Variants in LAMA2 observed in about 807,000 individuals in gnomAD.
The protein encoded by LAMA2 is laminin subunit alpha-2.
Under a neutral mutation model 364.8 loss-of-function variants are expected in LAMA2, and 269 were observed. That is an observed-to-expected ratio of 0.74 (90% confidence interval 0.67 to 0.82). The LOEUF (loss-of-function observed/expected upper bound fraction) is 0.82, where lower values mean the gene tolerates loss of function less well. Ranked by LOEUF, LAMA2 falls within the 40% of genes least tolerant of loss-of-function variation. The probability of loss-of-function intolerance (pLI) is 0.00; values close to 1 mark genes in which losing one functional copy is unlikely to be tolerated. For missense variants in LAMA2, 3,807 were observed against 3,873.2 expected (o/e 0.98, Z 0.45); for synonymous variants, 1,379 against 1,370.6 (o/e 1.01, Z -0.14).
intron 4 of LAMA2, among the ~76,000 whole-genome samples, chr6:129,143,322 T>TAA (rs71793304): frequency 6.8e-6 from 1 of 146,948 alleles, no homozygotes; most frequent in Non-Finnish European, 1.5e-5. Context: ...TATTAATTAC[T>TAA]AAAAAAAAAA....
intron 1 of LAMA2, among the ~76,000 whole-genome samples, chr6:129,038,646 A>C (rs530844803): frequency 9.2e-5 from 14 of 152,188 alleles, no homozygotes; most frequent in African/African-American, 3.4e-4. Flanking sequence ...GATTTTCCTT[A>C]TCTCTCTAGT....
intron 1 of LAMA2, among the ~76,000 whole-genome samples, chr6:128,950,842 A>G (rs1322305323): frequency 1.3e-5 from 2 of 152,160 alleles, no homozygotes; most frequent in African/African-American, 2.4e-5. Flanking sequence ...TTATATATTC[A>G]TGTATACATA....
At chr6:129,061,142 T>C (rs971368463) in intron 3 of LAMA2, among the ~76,000 whole-genome samples, 8 of 152,156 alleles carry the variant, frequency 5.3e-5, no homozygotes, top group Non-Finnish European at 1.0e-4. Flanking sequence ...AGCCTCAAAA[T>C]GGACTGCATA....
chr6:129,059,999 C>T (rs955771901), intron 3 of LAMA2, 103 bp downstream of exon 3: 2 of 722,698 alleles, frequency 2.8e-6, no homozygotes, highest in East Asian at 5.4e-5. Context: ...TCTTTCTTAT[C>T]ACTCTCCATT....
intron 1 of LAMA2, among the ~76,000 whole-genome samples, chr6:128,908,303 C>G (rs1777639119): frequency 6.6e-6 from 1 of 152,124 alleles, no homozygotes; most frequent in Admixed American, 6.5e-5. Flanking sequence ...ATTATTGTCA[C>G]AATTTCAGAT....
At chr6:129,384,817 C>T (rs1345307987) in intron 35 of LAMA2, among the ~76,000 whole-genome samples, 4 of 151,940 alleles carry the variant, frequency 2.6e-5, no homozygotes, top group Non-Finnish European at 5.9e-5. Flanking sequence ...CTGATTGTGT[C>T]TGTCCAGATA....
chr6:129,052,611 C>T (rs1423846122), intron 2 of LAMA2, among the ~76,000 whole-genome samples: 1 of 152,108 alleles, frequency 6.6e-6, no homozygotes, highest in Non-Finnish European at 1.5e-5. Context: ...TTGTTACAGT[C>T]CATGAACCTA....
intron 37 of LAMA2, among the ~76,000 whole-genome samples, chr6:129,397,826 A>G (rs1334422964): frequency 9.9e-5 from 15 of 151,196 alleles, no homozygotes; most frequent in Admixed American, 9.9e-4. Flanking sequence ...TGCAGTCCCT[A>G]CTCGGGAGGC....
intron 37 of LAMA2, 132 bp from the exon 38 acceptor site, chr6:129,401,087 TTCTCA>T: frequency 1.3e-6 from 1 of 745,322 alleles, no homozygotes; most frequent in South Asian, 1.4e-5. Flanking sequence ...GTTTATATTT[TTCTCA>T]TCTAGCCACA....
In LAMA2 at chr6:129,497,747, G is replaced by GTA. The variant is rs1195110520; in HGVS notation, c.8245-4912_8245-4911insTA. Among the ~76,000 whole-genome samples, 12 of 152,232 alleles carry GTA rather than the reference G, an allele frequency of 7.9e-5. No homozygotes were observed. In the East Asian group the frequency reaches 2.1e-3, roughly 27 times the overall value. ...TGAGGACAACATTCACTATACTACA[G>GTA]GGCAATGTAAGGGTGTCTTGAGAAA... On this transcript the variant is annotated intron_variant, in intron 58 of 64. Transcript: ENST00000421865.
At chr6:128,913,353 A>C (rs1778106434) in intron 1 of LAMA2, among the ~76,000 whole-genome samples, 1 of 152,150 alleles carries the variant, frequency 6.6e-6, no homozygotes, top group Admixed American at 6.5e-5. Context: ...CATTATAATT[A>C]TTTATTCGAC....
At chr6:129,121,366 A>G (rs1377103044) in intron 4 of LAMA2, among the ~76,000 whole-genome samples, 1 of 152,176 alleles carries the variant, frequency 6.6e-6, no homozygotes, top group Non-Finnish European at 1.5e-5. Context: ...TTTATTACAG[A>G]CAGACTCTCT....
intron 12 of LAMA2, among the ~76,000 whole-genome samples, chr6:129,228,780 A>G (rs1162848151): frequency 6.6e-6 from 1 of 152,216 alleles, no homozygotes; most frequent in African/African-American, 2.4e-5. Context: ...TCTTTCATGC[A>G]CAATAACACC....
At chr6:128,923,963 A>G (rs1348869985) in intron 1 of LAMA2, among the ~76,000 whole-genome samples, 1 of 152,160 alleles carries the variant, frequency 6.6e-6, no homozygotes, top group Non-Finnish European at 1.5e-5. Flanking sequence ...AGTCATAGTC[A>G]TGACTCTGCT....
At chr6:129,208,072 A>G (rs902890183) in intron 12 of LAMA2, among the ~76,000 whole-genome samples, 1 of 152,226 alleles carries the variant, frequency 6.6e-6, no homozygotes, top group African/African-American at 2.4e-5. Flanking sequence ...GATGGATCAC[A>G]GAGCAGACAA....
chr6:128,930,847 G>A (rs1414113436), intron 1 of LAMA2, among the ~76,000 whole-genome samples: 4 of 152,144 alleles, frequency 2.6e-5, no homozygotes, highest in South Asian at 2.1e-4. Context: ...GACCATCACA[G>A]TGTGCATCTC....
At chr6:129,096,934 G>A (rs1429161348) in intron 3 of LAMA2, among the ~76,000 whole-genome samples, 1 of 151,994 alleles carries the variant, frequency 6.6e-6, no homozygotes, top group African/African-American at 2.4e-5. Context: ...AGTCCCTTAG[G>A]GTATACCATA....
At chr6:129,144,110 A>G (rs759393997) in intron 5 of LAMA2, 30 bp downstream of exon 5, 2 of 1,532,192 alleles carry the variant, frequency 1.3e-6, no homozygotes, top group South Asian at 2.2e-5. Context: ...ATTAGAGCCT[A>G]CAAATGATAT....
intron 1 of LAMA2, 117 bp from the exon 2 acceptor site, chr6:129,049,801 C>T: frequency 1.2e-6 from 1 of 811,468 alleles, no homozygotes. Context: ...CATTAATTAT[C>T]TCATGTTGGG....
Sources: allele counts gnomAD v4.1 joint callset (sites outside exome capture counted in the v4.1 genomes callset), GRCh38; gene constraint gnomAD v4.1.1; transcripts MANE v1.5; gene names NCBI Gene and HGNC (gene_info 2026-07-23, HGNC 2026-07-21).